The following SP4 variants were observed in gnomAD, a reference collection of about 807,000 sequenced individuals.
SP4 encodes the protein transcription factor Sp4.
In SP4, 19 loss-of-function variants were observed where a neutral mutation model predicts 72.8. The ratio of observed to expected loss-of-function variants is 0.26; its 90% CI spans 0.18 to 0.38. The LOEUF (loss-of-function observed/expected upper bound fraction) is 0.38, where lower values mean the gene tolerates loss of function less well. SP4 is among the 10% of genes least tolerant of loss of function. SP4 has a pLI of 1.00. For missense variants in SP4, 1,008 were observed against 926.3 expected, an observed-to-expected ratio of 1.09 and a Z score of -1.14; for synonymous variants, 395 against 333.1, an observed-to-expected ratio of 1.19 and a Z score of -2.02.
intron 3 of SP4, 95 bp downstream of exon 3, chr7:21,430,938 G>T: frequency 1.2e-6 from 1 of 857,512 alleles, no homozygotes; most frequent in South Asian, 1.7e-5. Flanking sequence ...GTAGACCTCT[G>T]AAGTAAACAC....
intron 3 of SP4, among the ~76,000 whole-genome samples, chr7:21,447,737 G>A (rs1783472099): frequency 2.0e-5 from 3 of 152,174 alleles, no homozygotes; most frequent in Admixed American, 6.5e-5. Flanking sequence ...AGGCTGGAAT[G>A]CAGTGGCGTG....
intron 3 of SP4, among the ~76,000 whole-genome samples, chr7:21,445,767 C>G (rs1783402443): frequency 6.6e-6 from 1 of 152,102 alleles, no homozygotes; most frequent in South Asian, 2.1e-4. Flanking sequence ...TGTTTCATCA[C>G]AAATCCTTGA....
rs921665304 is a variant in SP4, at chr7:21,513,179, T to C, written c.*1910T>C. 3.3e-5 allele frequency: 5 copies of C among 152,604 alleles called. No homozygotes were observed. The highest frequency in any genetic ancestry group is 1.2e-4 in the African/African-American group (5 of 41,450). 9.5% of individuals were successfully genotyped at this position (152,604 alleles called of 1,614,324 possible). On this transcript the variant is annotated 3_prime_UTR_variant, in exon 6 of 6. Transcript: ENST00000222584. ...TCTTGTATTTTTGATGAAGGAGAAA[T>C]ACTGTAATGATCACTGTTTACACTA...
intron 3 of SP4, among the ~76,000 whole-genome samples, chr7:21,469,896 A>T (rs929743963): frequency 6.6e-6 from 1 of 152,128 alleles, no homozygotes; most frequent in East Asian, 1.9e-4. Context: ...CTTTTCAAAA[A>T]AAAAACACCT....
chr7:21,511,280 A>G lies in SP4; in HGVS notation c.*11A>G, dbSNP rs765455982. 21 of 1,612,622 alleles carry G rather than the reference A, an allele frequency of 1.3e-5. No individual in the cohort carries two copies. Among genetic ancestry groups the G allele is most frequent in the African/African-American group, 2.7e-5 (2 of 74,894 alleles). ...ATGGAAGAATTCTGAAAAGTTATTT[A>G]TAACAGAGACCTCTAGTGCTGCACT... On this transcript the variant is annotated 3_prime_UTR_variant, in exon 6 of 6. Coordinates refer to ENST00000222584, the MANE Select transcript of SP4 (RefSeq NM_003112.5).
At chr7:21,459,594 C>G (rs1783889081) in intron 3 of SP4, among the ~76,000 whole-genome samples, 1 of 152,208 alleles carries the variant, frequency 6.6e-6, no homozygotes, top group African/African-American at 2.4e-5. Flanking sequence ...AGAAAAGTCC[C>G]AAGAATCGTT....
intron 3 of SP4, among the ~76,000 whole-genome samples, chr7:21,473,317 A>C (rs878872825): frequency 6.6e-6 from 1 of 152,208 alleles, no homozygotes; most frequent in Admixed American, 6.5e-5. Context: ...AGTGTGGATA[A>C]CAAGGAGAAT....
chr7:21,488,015 C>G (rs1425654914), intron 5 of SP4, among the ~76,000 whole-genome samples: 3 of 151,980 alleles, frequency 2.0e-5, no homozygotes, highest in Non-Finnish European at 2.9e-5. Context: ...AGGTGCATGC[C>G]ACCACACCTG....
chr7:21,451,908 C>T, intron 3 of SP4, among the ~76,000 whole-genome samples: 1 of 152,298 alleles, frequency 6.6e-6, no homozygotes, highest in East Asian at 1.9e-4. Flanking sequence ...TGCAGTCATG[C>T]CAGCTGTAGT....
intron 3 of SP4, among the ~76,000 whole-genome samples, chr7:21,452,886 G>A (rs751407503): frequency 2.6e-5 from 4 of 151,478 alleles, no homozygotes; most frequent in African/African-American, 4.9e-5. Flanking sequence ...AGGTTCAAGC[G>A]ATTCTCCTGC....
chr7:21,456,522 A>C (rs1783769453), intron 3 of SP4, among the ~76,000 whole-genome samples: 1 of 152,228 alleles, frequency 6.6e-6, no homozygotes, highest in Admixed American at 6.5e-5. Context: ...AGCACACAGC[A>C]AGAGCTGCGG....
intron 5 of SP4, among the ~76,000 whole-genome samples, chr7:21,493,951 G>A (rs956520137): frequency 1.3e-5 from 2 of 152,110 alleles, no homozygotes; most frequent in Admixed American, 1.3e-4. Context: ...ATAATGCATT[G>A]TTACGTAGTA....
At chr7:21,454,846 G>A (rs549541123) in intron 3 of SP4, among the ~76,000 whole-genome samples, 1 of 152,290 alleles carries the variant, frequency 6.6e-6, no homozygotes, top group Admixed American at 6.5e-5. Flanking sequence ...TTGAAAGTAA[G>A]TTTTTGCCCC....
chr7:21,467,967 G>A (rs1357640716), intron 3 of SP4, among the ~76,000 whole-genome samples: 1 of 152,074 alleles, frequency 6.6e-6, no homozygotes, highest in Non-Finnish European at 1.5e-5. Flanking sequence ...CAGTTTATTG[G>A]TTGGTGAGTT....
At chr7:21,509,149 A>G (rs1280781110) in intron 5 of SP4, among the ~76,000 whole-genome samples, 1 of 152,126 alleles carries the variant, frequency 6.6e-6, no homozygotes, top group African/African-American at 2.4e-5. Flanking sequence ...ATATAATAGC[A>G]TTCTTATCTT....
chr7:21,442,089 A>T (rs1284085510), intron 3 of SP4, among the ~76,000 whole-genome samples: 4 of 133,826 alleles, frequency 3.0e-5, no homozygotes, highest in African/African-American at 1.2e-4. Flanking sequence ...CCCAGGCTGG[A>T]GTGCAGTGCC....
chr7:21,497,333 G>A (rs1282697217), intron 5 of SP4, among the ~76,000 whole-genome samples: 1 of 152,216 alleles, frequency 6.6e-6, no homozygotes, highest in African/African-American at 2.4e-5. Context: ...TATTTTTCAA[G>A]GCTGCCACAG....
intron 3 of SP4, among the ~76,000 whole-genome samples, chr7:21,451,396 G>A (rs919043532): frequency 6.6e-6 from 1 of 152,102 alleles, no homozygotes; most frequent in Non-Finnish European, 1.5e-5. Context: ...CGGGGTTAGG[G>A]GGTGCTTTCT....
chr7:21,453,720 A>G (rs1783670475), intron 3 of SP4, among the ~76,000 whole-genome samples: 1 of 152,198 alleles, frequency 6.6e-6, no homozygotes, highest in African/African-American at 2.4e-5. Flanking sequence ...ATAACCCTTT[A>G]CAATTTTTTT....
Sources: allele counts gnomAD v4.1 joint callset (sites outside exome capture counted in the v4.1 genomes callset), GRCh38; gene constraint gnomAD v4.1.1; transcripts MANE v1.5; gene names NCBI Gene and HGNC (gene_info 2026-07-23, HGNC 2026-07-21).